Variants in DKK2 observed in about 807,000 individuals in gnomAD.
DKK2 encodes the protein dickkopf Wnt signaling pathway inhibitor 2.
A neutral mutation model predicts 28.1 loss-of-function variants in DKK2; 11 were observed. The observed-to-expected ratio is 0.39, with a 90% CI of 0.25 to 0.65. The LOEUF is 0.65. Among genes scored for constraint, DKK2 ranks in the 30% least tolerant of loss-of-function variants. The pLI is 0.47. For missense variants in DKK2, 326 were observed against 335.5 expected (o/e 0.97, Z 0.22); for synonymous variants, 135 against 126.5 (o/e 1.07, Z -0.45).
chr4:106,965,519 T>C (rs576997504), intron 1 of DKK2, among the ~76,000 whole-genome samples: 433 of 152,248 alleles, frequency 2.8e-3, no homozygotes, highest in Non-Finnish European at 5.2e-3. Flanking sequence ...ATTATTTCTG[T>C]TTAATTCCAA....
At position 106,923,597 on chromosome 4, in the gene DKK2, A is replaced by G. The variant is rs577616464; in HGVS notation, c.*357T>C. The G allele has an allele frequency of 5.1e-6, 1 of 197,046 alleles. No individual in the cohort carries two copies. Among genetic ancestry groups the G allele is most frequent in the African/African-American group, 2.3e-5 (1 of 43,060 alleles). 12.2% of individuals were successfully genotyped at this position (197,046 alleles called of 1,614,324 possible). On this transcript the variant is annotated 3_prime_UTR_variant, in exon 4 of 4. Coordinates refer to ENST00000285311, the MANE Select transcript of DKK2 (RefSeq NM_014421.3). ...GGCATGTAGGTTATTTGTATAAGCA[A>G]TCAGCAATCTGAAGGAAACCTCTCC...
intron 1 of DKK2, among the ~76,000 whole-genome samples, chr4:106,981,023 T>G (rs1723019841): frequency 6.6e-6 from 1 of 152,140 alleles, no homozygotes. Context: ...TTACTACTGC[T>G]GCCCAAATGA....
chr4:107,031,276 G>A (rs1442847481), intron 1 of DKK2, among the ~76,000 whole-genome samples: 1 of 151,928 alleles, frequency 6.6e-6, no homozygotes, highest in Non-Finnish European at 1.5e-5. Flanking sequence ...CTAAGCAGGA[G>A]AAAGTTGGGC....
In DKK2 at chr4:106,923,057, A is replaced by G. The variant is rs1401231207; in HGVS notation, c.*897T>C. 6.6e-6 allele frequency: 1 copy of G among 152,072 alleles called. No individual in the cohort carries two copies. Among genetic ancestry groups the G allele is most frequent in the Non-Finnish European group, 1.5e-5 (1 of 68,016 alleles). The allele number at this position is 152,072 out of a possible 1,614,324, so 9.4% of individuals were successfully genotyped here. ...CTCTCTGTTAGCTCTTTTCCCACAT[A>G]TATTGGACATCTTTAAATTTTTTTG... is the stretch of plus-strand genomic sequence containing the variant. On this transcript the variant is annotated 3_prime_UTR_variant, in exon 4 of 4. Transcript: ENST00000285311.
chr4:106,978,175 G>A (rs2110356871), intron 1 of DKK2, among the ~76,000 whole-genome samples: 1 of 152,188 alleles, frequency 6.6e-6, no homozygotes, highest in East Asian at 1.9e-4. Context: ...GGTGCCTGTC[G>A]ACCCCTGCTG....
intron 1 of DKK2, among the ~76,000 whole-genome samples, chr4:106,931,615 A>C (rs556795451): frequency 6.6e-6 from 1 of 152,304 alleles, no homozygotes; most frequent in African/African-American, 2.4e-5. Context: ...ATTTGACATG[A>C]TTAATAAAAT....
intron 1 of DKK2, among the ~76,000 whole-genome samples, chr4:106,943,715 GATCATGTTTTTCATCTGTA>G (rs571059777): frequency 1.1e-4 from 17 of 152,154 alleles, no homozygotes; most frequent in African/African-American, 4.1e-4. Flanking sequence ...TTCTACAGAT[GATCATGTTTTTCATCTGTA>G]AATTGTATGT....
chr4:106,956,666 T>G (rs1722597766), intron 1 of DKK2, among the ~76,000 whole-genome samples: 1 of 152,236 alleles, frequency 6.6e-6, no homozygotes, highest in African/African-American at 2.4e-5. Flanking sequence ...ATTCCCTATT[T>G]AATAAATGGT....
chr4:107,028,556 T>C (rs1278243273), intron 1 of DKK2, among the ~76,000 whole-genome samples: 1 of 152,062 alleles, frequency 6.6e-6, no homozygotes. Context: ...ATTTTATGGG[T>C]ATACTAAAAA....
At chr4:106,969,593 C>A (rs1174533896) in intron 1 of DKK2, among the ~76,000 whole-genome samples, 1 of 152,012 alleles carries the variant, frequency 6.6e-6, no homozygotes, top group African/African-American at 2.4e-5. Flanking sequence ...ATTTTCACTC[C>A]TCTCTAATTT....
chr4:106,930,225 A>C (rs1461780150), intron 1 of DKK2, among the ~76,000 whole-genome samples: 1 of 152,204 alleles, frequency 6.6e-6, no homozygotes, highest in Admixed American at 6.5e-5. Context: ...ATGATAATTA[A>C]ATAATATTCT....
At chr4:106,990,960 T>G (rs1723195370) in intron 1 of DKK2, among the ~76,000 whole-genome samples, 1 of 152,118 alleles carries the variant, frequency 6.6e-6, no homozygotes, top group African/African-American at 2.4e-5. Flanking sequence ...AGCTCGAATA[T>G]TTTGAAGACA....
intron 1 of DKK2, among the ~76,000 whole-genome samples, chr4:107,034,144 GTC>G (rs1339397176): frequency 2.6e-5 from 4 of 152,118 alleles, no homozygotes. Context: ...CCCGGGTCTT[GTC>G]TCTCTGTCCA....
At chr4:107,004,606 AG>A (rs1472625214) in intron 1 of DKK2, among the ~76,000 whole-genome samples, 1 of 152,204 alleles carries the variant, frequency 6.6e-6, no homozygotes, top group Non-Finnish European at 1.5e-5. Flanking sequence ...AATTGCCTAA[AG>A]GTCACACATG....
intron 1 of DKK2, among the ~76,000 whole-genome samples, chr4:106,933,023 C>T (rs1724525197): frequency 6.6e-6 from 1 of 152,184 alleles, no homozygotes; most frequent in African/African-American, 2.4e-5. Flanking sequence ...AGCAGTGTTT[C>T]CCTGCTTACT....
chr4:107,012,530 G>A (rs1479247589), intron 1 of DKK2, among the ~76,000 whole-genome samples: 2 of 151,244 alleles, frequency 1.3e-5, no homozygotes, highest in African/African-American at 2.4e-5. Flanking sequence ...AGTTAGGTAA[G>A]AAGTACTCAA....
intron 1 of DKK2, among the ~76,000 whole-genome samples, chr4:106,998,019 TGTC>T (rs1431277395): frequency 2.0e-5 from 3 of 152,164 alleles, no homozygotes; most frequent in Non-Finnish European, 4.4e-5. Context: ...GTCTTAAAGC[TGTC>T]AGAACTGTTG....
At chr4:106,956,907 C>G (rs1722602350) in intron 1 of DKK2, among the ~76,000 whole-genome samples, 1 of 150,824 alleles carries the variant, frequency 6.6e-6, no homozygotes, top group Non-Finnish European at 1.5e-5. Context: ...CAAATGGGAT[C>G]TAATTAAACT....
chr4:106,976,835 G>A (rs1333572427), intron 1 of DKK2, among the ~76,000 whole-genome samples: 2 of 152,176 alleles, frequency 1.3e-5, no homozygotes, highest in Non-Finnish European at 2.9e-5. Flanking sequence ...TCAAAGGGTC[G>A]ATGGTCTTTA....
Sources: gnomAD v4.1 joint callset for allele counts (sites outside exome capture counted in the v4.1 genomes callset) on GRCh38, gnomAD v4.1.1 for gene constraint, MANE v1.5 for transcripts, NCBI Gene and HGNC (gene_info 2026-07-23, HGNC 2026-07-21) for gene names.